TMF1: variants seen among roughly 807,000 people sequenced by gnomAD.
TMF1 encodes TATA element modulatory factor.
A neutral mutation model predicts 126.5 loss-of-function variants in TMF1; 71 were observed. The observed-to-expected ratio is 0.56, with a 90% CI of 0.46 to 0.68. The LOEUF (loss-of-function observed/expected upper bound fraction) is 0.68. Ranked by LOEUF, TMF1 falls within the 30% of genes least tolerant of loss-of-function variation. The pLI is 0.00. For synonymous variants in TMF1, 461 were observed against 430.5 expected (o/e 1.07, Z -0.88); for missense variants, 1,259 against 1,253.2 (o/e 1.00, Z -0.07).
In TMF1 at chr3:69,029,917, A is replaced by G. The variant is rs1314539011; in HGVS notation, c.2492T>C (p.Met831Thr). The G allele has an allele frequency of 6.2e-7, 1 of 1,614,032 alleles. No individual in the cohort carries two copies. The highest frequency in any genetic ancestry group is 8.5e-7 in the Non-Finnish European group (1 of 1,180,016). Residue 831 changes from methionine to threonine, a missense_variant, in exon 11 of 17, where the codon ATG (methionine) becomes ACG (threonine). Met to Thr is a moderately conservative substitution (Grantham distance 81). Coordinates refer to ENST00000398559, the MANE Select transcript of TMF1 (RefSeq NM_007114.3). The stretch of plus-strand genomic sequence containing the variant: ...TCTTAAAAGAGAATTCTGTGACTCC[A>G]TGGAAGACATCTGAATTTTGTTAGC... ...LLANKIQMSSMESQNSLLRQE... is the reference protein window; with the variant it reads ...LLANKIQMSSTESQNSLLRQE...
Position 69,042,877 on chromosome 3 carries a change from T to C in TMF1, c.1614A>G (p.Arg538=). ...IKNIKEELAT[R]LNSSETADLL... is the part of the protein sequence containing the mutation. ...GGTCTGCAGTTTCACTACTATTTAA[T>C]CTAGTGGCAAGTTCTTCTTTTATGT... Residue 538 remains arginine, a synonymous_variant, in exon 5 of 17, where the codon AGA becomes AGG. Coordinates refer to ENST00000398559, the MANE Select transcript of TMF1 (RefSeq NM_007114.3). 3 of 1,613,504 alleles carry C rather than the reference T, an allele frequency of 1.9e-6. No individual in the cohort carries two copies. Among genetic ancestry groups the C allele is most frequent in the South Asian group, 1.1e-5 (1 of 91,034 alleles).
At chr3:69,025,323 G>C in intron 15 of TMF1, 3 of 404,810 alleles carry the variant, frequency 7.4e-6, no homozygotes, top group East Asian at 8.8e-5. Flanking sequence ...CATTTCCTGT[G>C]ACAGATCAGC....
At chr3:69,042,708 C>A in intron 5 of TMF1, 99 bp downstream of exon 5, 1 of 986,968 alleles carries the variant, frequency 1.0e-6, no homozygotes, top group Non-Finnish European at 1.6e-6. Context: ...ACCCTCCTTG[C>A]TTTCAGTATT....
intron 2 of TMF1, among the ~76,000 whole-genome samples, chr3:69,045,233 G>T (rs930039973): frequency 8.0e-5 from 12 of 149,162 alleles, no homozygotes; most frequent in African/African-American, 3.0e-4. Flanking sequence ...TGAGGTGGGG[G>T]GATCACCTGA....
intron 4 of TMF1, 145 bp from the exon 5 acceptor site, chr3:69,043,057 G>A (rs1420034141): frequency 5.2e-6 from 3 of 577,888 alleles, no homozygotes; most frequent in Non-Finnish European, 5.9e-6. Context: ...CTACTACCTT[G>A]GTTAACTAAG....
chr3:69,021,293 C>T lies in TMF1; in HGVS notation c.*1884G>A, dbSNP rs550186226. ...TATACTATCCATGGTTTCAGACGTTCACTGGGGGTCTTGGAACGTATGTCC... is the reference window on the plus strand; with the variant it reads ...TATACTATCCATGGTTTCAGACGTTTACTGGGGGTCTTGGAACGTATGTCC... On this transcript the variant is annotated 3_prime_UTR_variant, in exon 17 of 17. Coordinates refer to ENST00000398559, the MANE Select transcript of TMF1 (RefSeq NM_007114.3). The T allele has an allele frequency of 6.5e-6, 1 of 152,678 alleles. No homozygotes were observed. The highest frequency in any genetic ancestry group is 2.4e-5 in the African/African-American group (1 of 41,546). 9.5% of individuals were successfully genotyped at this position (152,678 alleles called of 1,614,324 possible).
At chr3:69,035,958 A>G (rs534649952) in intron 8 of TMF1, among the ~76,000 whole-genome samples, 66 of 152,148 alleles carry the variant, frequency 4.3e-4, no homozygotes, top group African/African-American at 1.6e-3. Context: ...ATTTTTCTGT[A>G]TTATTATTAT....
Position 69,038,143 on chromosome 3 carries a change from A to T in TMF1, c.2151+421T>A, listed in dbSNP as rs551591550. ...AATAACCACAAAGTATAAATAACCC[A>T]TATGCCCATCAACTGATGATTTGAT... On this transcript the variant is annotated intron_variant, in intron 8 of 16. Coordinates refer to ENST00000398559, the MANE Select transcript of TMF1 (RefSeq NM_007114.3). Among the ~76,000 whole-genome samples, 4 of 152,338 alleles carry T rather than the reference A, an allele frequency of 2.6e-5. No homozygotes were observed. The South Asian group carries it at 8.3e-4, about 32-fold the overall frequency.
chr3:69,030,412 A>G (rs1264923693), intron 10 of TMF1: 1 of 153,754 alleles, frequency 6.5e-6, no homozygotes, highest in East Asian at 1.9e-4. Context: ...CAGAGGAGAA[A>G]GTCTTCAGGA....
chr3:69,049,526 C>A (rs528902757), intron 1 of TMF1, among the ~76,000 whole-genome samples: 1 of 152,322 alleles, frequency 6.6e-6, no homozygotes, highest in African/African-American at 2.4e-5. Context: ...AAATCCCACT[C>A]TCCAAGCCCA....
chr3:69,048,450 A>G lies in TMF1; in HGVS notation c.255T>C (p.Val85=). The G allele has an allele frequency of 6.2e-7, 1 of 1,614,172 alleles. No homozygotes were observed. Among genetic ancestry groups the G allele is most frequent in the Non-Finnish European group, 8.5e-7 (1 of 1,180,034 alleles). The change falls in exon 2 of 17, where the codon GTT becomes GTC. Residue 85 remains valine (V), a synonymous_variant. Transcript: ENST00000398559. ...CAGATTCATCGACCACAGTCCTCCG[A>G]ACTGGCTTTGTGATTGCTTTAGGAG... ...IASPKAITKP[V]RRTVVDESEN...
intron 8 of TMF1, 195 bp from the exon 9 acceptor site, chr3:69,035,310 CT>C (rs1211653511): frequency 1.8e-6 from 1 of 554,128 alleles, no homozygotes; most frequent in Non-Finnish European, 3.2e-6. Flanking sequence ...TCAATGTTTA[CT>C]TAGAAAAGCA....
At chr3:69,039,242 C>T (rs916932738) in intron 6 of TMF1, among the ~76,000 whole-genome samples, 11 of 152,150 alleles carry the variant, frequency 7.2e-5, no homozygotes, top group African/African-American at 2.4e-4. Context: ...TGCACCACCA[C>T]GCCCGGCTAA....
intron 2 of TMF1, among the ~76,000 whole-genome samples, chr3:69,045,703 C>G (rs1014910815): frequency 1.3e-5 from 2 of 152,126 alleles, no homozygotes; most frequent in African/African-American, 4.8e-5. Context: ...TCACTTGAAC[C>G]TGGGAGGCAG....
intron 3 of TMF1, 52 bp downstream of exon 3, chr3:69,044,440 A>G (rs961649721): frequency 1.9e-6 from 2 of 1,031,182 alleles, no homozygotes; most frequent in Non-Finnish European, 2.9e-6. Flanking sequence ...TGTACAAAGT[A>G]TACAGGTTTC....
At chr3:69,037,335 A>C (rs1201266782) in intron 8 of TMF1, among the ~76,000 whole-genome samples, 1 of 152,084 alleles carries the variant, frequency 6.6e-6, no homozygotes, top group Non-Finnish European at 1.5e-5. Context: ...TCTACTAAAA[A>C]TACAAAAAAA....
At chr3:69,051,636 G>A (rs2091930067) in intron 1 of TMF1, among the ~76,000 whole-genome samples, 1 of 152,134 alleles carries the variant, frequency 6.6e-6, no homozygotes, top group African/African-American at 2.4e-5. Context: ...GGAAGGTTGT[G>A]CTTGGAAGCT....
intron 2 of TMF1, among the ~76,000 whole-genome samples, chr3:69,046,835 G>A (rs1161301451): frequency 6.6e-6 from 1 of 151,824 alleles, no homozygotes; most frequent in Non-Finnish European, 1.5e-5. Flanking sequence ...AGCAATATAA[G>A]GATATATACT....
chr3:69,047,259 C>G, intron 2 of TMF1, 99 bp downstream of exon 2: 1 of 1,353,222 alleles, frequency 7.4e-7, no homozygotes, highest in Non-Finnish European at 9.9e-7. Context: ...GTTTTTAAAT[C>G]TGTATAAATT....
Sources: allele counts gnomAD v4.1 joint callset (sites outside exome capture counted in the v4.1 genomes callset), GRCh38; gene constraint gnomAD v4.1.1; transcripts MANE v1.5; gene names NCBI Gene and HGNC (gene_info 2026-07-23, HGNC 2026-07-21).